Variants in TFPT observed in about 807,000 individuals in gnomAD.
The protein encoded by TFPT is TCF3 fusion partner, also known as INO80 complex subunit F.
TFPT carries 27 observed loss-of-function variants against 28.8 expected under a neutral mutation model. The observed-to-expected ratio is 0.94, with a 90% CI of 0.69 to 1.29. The LOEUF (loss-of-function observed/expected upper bound fraction) is 1.29. TFPT is among the 50% of genes most tolerant of loss of function. The pLI is 0.00. For synonymous variants in TFPT, 152 were observed against 142.8 expected, an observed-to-expected ratio of 1.06 and a Z score of -0.46; for missense variants, 330 against 338.0, an observed-to-expected ratio of 0.98 and a Z score of 0.19.
At chr19:54,115,008 C>T in intron 1 of TFPT, 1 of 692,058 alleles carries the variant, frequency 1.4e-6, no homozygotes, top group Non-Finnish European at 2.4e-6. Context: ...AGCCCCAACC[C>T]TCAACCAGAC....
chr19:54,108,491 G>A (rs1163470985), intron 3 of TFPT, 96 bp from the exon 4 acceptor site: 8 of 1,613,544 alleles, frequency 5.0e-6, no homozygotes, highest in South Asian at 1.1e-5. Context: ...TCCACTCAAC[G>A]CCAAAGCTGT....
chr19:54,113,202 G>A (rs1235934183), intron 2 of TFPT, among the ~76,000 whole-genome samples: 3 of 151,336 alleles, frequency 2.0e-5, no homozygotes, highest in African/African-American at 7.3e-5. Flanking sequence ...AGACAGTGTC[G>A]TTACAAAAGT....
In TFPT at chr19:54,108,155, C is replaced by T. The variant is rs867428431; in HGVS notation, c.513G>A (p.Arg171=). 1.5e-5 allele frequency: 24 copies of T among 1,588,446 alleles called. No homozygotes were observed. In the African/African-American group the frequency reaches 2.3e-4, roughly 15 times the overall value. Residue 171 remains arginine, a synonymous_variant, in exon 5 of 6, where the codon AGG becomes AGA. Coordinates refer to ENST00000391759, the MANE Select transcript of TFPT (RefSeq NM_013342.4). Reference sequence around the variant, plus strand: ...TGCCGGGTTCTGGGGGTGCAGGAGTCCTTCTGGGCGGGGACAGTGTCTCTT... The same window carrying T: ...TGCCGGGTTCTGGGGGTGCAGGAGTTCTTCTGGGCGGGGACAGTGTCTCTT... The part of the protein sequence containing the change: ...PEKETLSPPR[R]TPAPPEPGSP...
At position 54,109,912 on chromosome 19, in the gene TFPT, C is replaced by T. The variant is rs1374323767; in HGVS notation, c.353+139G>A. On this transcript the variant is annotated intron_variant, in intron 3 of 5. Transcript: ENST00000391759. ...AATCCCACTCTTCCTCCTTGTTTGC[C>T]TCAGCCCCCGGCCCTCATCTCCGGC... The T allele has an allele frequency of 9.9e-6, 4 of 404,260 alleles. No homozygotes were observed. The East Asian group carries it at 2.6e-4, about 27-fold the overall frequency. 25.0% of individuals were successfully genotyped at this position (404,260 alleles called of 1,614,324 possible). A position where few individuals can be genotyped will look rare whatever the true frequency, so the allele number is the denominator to read the frequency against.
intron 3 of TFPT, 130 bp downstream of exon 3, chr19:54,109,921 C>T (rs1451848721): frequency 6.5e-6 from 6 of 923,778 alleles, no homozygotes; most frequent in South Asian, 2.8e-5. Context: ...CCTCAGCCCC[C>T]GGCCCTCATC....
Position 54,115,628 on chromosome 19 carries a change from G to A in TFPT, c.-359C>T, listed in dbSNP as rs1158433990. ...GTCCCTTTCCTCCTCGCGGCTTACC[G>A]CCTCTCTCCGCCTAGTGCCAGGTGC... On this transcript the variant is annotated 5_prime_UTR_variant, in exon 1 of 6. Transcript: ENST00000391759. 9.6e-6 allele frequency: 4 copies of A among 416,870 alleles called. No individual in the cohort carries two copies. The highest frequency in any genetic ancestry group is 8.1e-5 in the South Asian group (2 of 24,806). The allele number at this position is 416,870 out of a possible 1,614,324, so 25.8% of individuals were successfully genotyped here.
chr19:54,113,331 C>T (rs1009843561), intron 2 of TFPT, among the ~76,000 whole-genome samples: 9 of 151,994 alleles, frequency 5.9e-5, no homozygotes, highest in African/African-American at 1.9e-4. Context: ...AAGATGAAGG[C>T]GGAGATCAGG....
chr19:54,109,878 C>G (rs2073400970), intron 3 of TFPT, among the ~76,000 whole-genome samples, 173 bp downstream of exon 3: 1 of 150,628 alleles, frequency 6.6e-6, no homozygotes, highest in African/African-American at 2.4e-5. Context: ...GCCCTCTCCT[C>G]CAACACCGAA....
intron 2 of TFPT, among the ~76,000 whole-genome samples, chr19:54,113,370 A>G (rs1253599761): frequency 6.6e-6 from 1 of 152,162 alleles, no homozygotes; most frequent in Non-Finnish European, 1.5e-5. Flanking sequence ...AATGACTGCC[A>G]GAAACCTCCA....
chr19:54,110,451 G>T (rs1044839224), intron 2 of TFPT, among the ~76,000 whole-genome samples: 6 of 152,168 alleles, frequency 3.9e-5, no homozygotes, highest in Non-Finnish European at 8.8e-5. Flanking sequence ...ACCAGGCCAG[G>T]TGCGGTGGCT....
intron 3 of TFPT, among the ~76,000 whole-genome samples, 171 bp downstream of exon 3, chr19:54,109,880 A>ACCCGGCCCTCCCTC (rs1281412328): frequency 2.9e-4 from 9 of 31,094 alleles, no homozygotes; most frequent in African/African-American, 3.8e-4. Flanking sequence ...CCTCTCCTCC[A>ACCCGGCCCTCCCTC]ACACCGAATC....
chr19:54,109,572 GAC>G (rs1350773911), intron 3 of TFPT, among the ~76,000 whole-genome samples: 1 of 152,162 alleles, frequency 6.6e-6, no homozygotes, highest in Admixed American at 6.5e-5. Context: ...GTTCTGTGGA[GAC>G]ACACAGTGGG....
Position 54,115,391 on chromosome 19 carries a change from C to T in TFPT, c.-122G>A. ...CAGCCGAGGACGGCGGGACGTGGCC[C>T]TAGGCCTTGTGGGAGTTGTAGTTTC... On this transcript the variant is annotated 5_prime_UTR_variant, in exon 1 of 6. Coordinates refer to ENST00000391759, the MANE Select transcript of TFPT (RefSeq NM_013342.4). 6.9e-7 allele frequency: 1 copy of T among 1,439,150 alleles called. No individual in the cohort carries two copies. The allele number at this position is 1,439,150 out of a possible 1,614,324, so 89.1% of individuals were successfully genotyped here. A position where few individuals can be genotyped will look rare whatever the true frequency, so the allele number is the denominator to read the frequency against.
chr19:54,108,344 C>T lies in TFPT; in HGVS notation c.405G>A (p.Gln135=), dbSNP rs765639923. 6.2e-7 allele frequency: 1 copy of T among 1,608,284 alleles called. No individual in the cohort carries two copies. Among genetic ancestry groups the T allele is most frequent in the Non-Finnish European group, 8.5e-7 (1 of 1,177,268 alleles). ...DSYGDDYRAS[Q]FTIVLEDEGS... ...CACTCACCTCCAGCACAATGGTGAACTGGCTGGCCCGGTAGTCATCCCCGT... is the reference window on the plus strand; with the variant it reads ...CACTCACCTCCAGCACAATGGTGAATTGGCTGGCCCGGTAGTCATCCCCGT... The change falls in exon 4 of 6, where the codon CAG becomes CAA. Residue 135 remains glutamine (Q), a synonymous_variant. Transcript: ENST00000391759.
chr19:54,109,870 C>CCCTTCCACCCGGCCCTCCCTCAGT (rs2073399156), intron 3 of TFPT, among the ~76,000 whole-genome samples, 181 bp downstream of exon 3: 1 of 152,186 alleles, frequency 6.6e-6, no homozygotes, highest in Non-Finnish European at 1.5e-5. Context: ...AGTGCTCAGC[C>CCCTTCCACCCGGCCCTCCCTCAGT]CTCTCCTCCA....
intron 2 of TFPT, 57 bp from the exon 3 acceptor site, chr19:54,110,178 A>T: frequency 6.3e-7 from 1 of 1,593,112 alleles, no homozygotes; most frequent in Non-Finnish European, 8.6e-7. Flanking sequence ...CATTTGTTTA[A>T]CGGATGTTTA....
In TFPT at chr19:54,113,849, A is replaced by G. The variant is rs1385886173; in HGVS notation, c.282+593T>C. Among the ~76,000 whole-genome samples the G allele has an allele frequency of 2.0e-5, 3 of 151,878 alleles. No individual in the cohort carries two copies. The East Asian group carries it at 5.8e-4, about 29-fold the overall frequency. ...TGCGACTACAGGTGCGCACCACCAC[A>G]CCTGGCTAATTTTTTTGTATTTTAG... On this transcript the variant is annotated intron_variant, in intron 2 of 5. Transcript: ENST00000391759.
At chr19:54,107,885 G>C in intron 5 of TFPT, 141 bp downstream of exon 5, 1 of 769,026 alleles carries the variant, frequency 1.3e-6, no homozygotes, top group Non-Finnish European at 1.9e-6. Context: ...TGGGCCCCTC[G>C]GGGTGCAGAA....
intron 2 of TFPT, among the ~76,000 whole-genome samples, chr19:54,110,927 G>A (rs1328740889): frequency 6.6e-6 from 1 of 152,198 alleles, no homozygotes; most frequent in African/African-American, 2.4e-5. Flanking sequence ...AGCCTGGCAC[G>A]TAGTACATCC....
Sources: allele counts gnomAD v4.1 joint callset (sites outside exome capture counted in the v4.1 genomes callset), GRCh38; gene constraint gnomAD v4.1.1; transcripts MANE v1.5; gene names NCBI Gene and HGNC (gene_info 2026-07-23, HGNC 2026-07-21).